The following PPM1L variants were observed in gnomAD, a reference collection of about 807,000 sequenced individuals.
PPM1L encodes the protein protein phosphatase, Mg2+/Mn2+ dependent 1L.
A neutral mutation model predicts 31.4 loss-of-function variants in PPM1L; 13 were observed. The observed-to-expected ratio is 0.41, with a 90% CI of 0.27 to 0.66. The LOEUF is 0.66. Among genes scored for constraint, PPM1L ranks in the 30% least tolerant of loss-of-function variants. The probability of loss-of-function intolerance (pLI) is 0.29; values close to 1 mark genes in which losing one functional copy is unlikely to be tolerated. For synonymous variants in PPM1L, 184 were observed against 175.4 expected (o/e 1.05, Z -0.39); for missense variants, 326 against 453.7 (o/e 0.72, Z 2.56).
chr3:160,812,918 T>A (rs1449229259), intron 1 of PPM1L, among the ~76,000 whole-genome samples: 1 of 152,226 alleles, frequency 6.6e-6, no homozygotes, highest in Non-Finnish European at 1.5e-5. Context: ...AAGTAGGTGA[T>A]GTTTATAATG....
chr3:160,942,389 C>T (rs1336584178), intron 1 of PPM1L, among the ~76,000 whole-genome samples: 1 of 152,018 alleles, frequency 6.6e-6, no homozygotes, highest in Non-Finnish European at 1.5e-5. Flanking sequence ...GCCATCACAC[C>T]CAGCCTTAAT....
At chr3:160,863,255 T>C (rs1711969591) in intron 1 of PPM1L, among the ~76,000 whole-genome samples, 1 of 152,200 alleles carries the variant, frequency 6.6e-6, no homozygotes, top group Non-Finnish European at 1.5e-5. Flanking sequence ...GGAGACCACA[T>C]TCAAAACACT....
At chr3:161,011,970 C>A (rs1230307109) in intron 2 of PPM1L, among the ~76,000 whole-genome samples, 1 of 152,154 alleles carries the variant, frequency 6.6e-6, no homozygotes, top group Non-Finnish European at 1.5e-5. Context: ...CAAACATGGA[C>A]AATTTGACTT....
intron 3 of PPM1L, among the ~76,000 whole-genome samples, chr3:161,066,457 G>C (rs368273497): frequency 5.9e-5 from 9 of 152,330 alleles, no homozygotes; most frequent in African/African-American, 2.2e-4. Flanking sequence ...ACATGAAGCA[G>C]GTAAGGGGAG....
At position 160,877,109 on chromosome 3, in the gene PPM1L, A is replaced by G. The variant is rs74329051; in HGVS notation, c.400-84627A>G. Among the ~76,000 whole-genome samples, 697 of 152,356 alleles carry G rather than the reference A, an allele frequency of 4.6e-3. 6 individuals are homozygous for G. The highest frequency in any genetic ancestry group is 0.015 in the African/African-American group (641 of 41,584). ...AATATTTGCTTTGGTGTTTCATTGC[A>G]GAGACCTAGATTTAATTTGAATACT... On this transcript the variant is annotated intron_variant, in intron 1 of 3. Transcript: ENST00000498165.
chr3:160,757,185 A>G (rs955809338), intron 1 of PPM1L, among the ~76,000 whole-genome samples: 8 of 152,202 alleles, frequency 5.3e-5, no homozygotes, highest in Admixed American at 2.0e-4. Context: ...ATTGAGGGTG[A>G]AGGAAGCTGT....
intron 2 of PPM1L, among the ~76,000 whole-genome samples, chr3:161,044,654 C>A (rs1305904621): frequency 2.6e-5 from 4 of 152,056 alleles, no homozygotes; most frequent in African/African-American, 9.7e-5. Context: ...CCAGTACCAG[C>A]CACTGCAAAA....
At position 161,065,384 on chromosome 3, in the gene PPM1L, T is replaced by C. The variant is rs1719704511; in HGVS notation, c.575-19T>C. 1 of 1,612,150 alleles carries C rather than the reference T, an allele frequency of 6.2e-7. No homozygotes were observed. The highest frequency in any genetic ancestry group is 1.1e-5 in the South Asian group (1 of 90,980). Reference sequence around the variant, plus strand: ...TGCACTGCTGACCTCCCGCGTTCTCTCTCTCTTCTATTTTTCAGGCACAAC... The same window carrying C: ...TGCACTGCTGACCTCCCGCGTTCTCCCTCTCTTCTATTTTTCAGGCACAAC... On this transcript the variant is annotated intron_variant, in intron 2 of 3. Coordinates refer to ENST00000498165, the MANE Select transcript of PPM1L (RefSeq NM_139245.4).
chr3:160,795,083 G>A (rs200505371), intron 1 of PPM1L, among the ~76,000 whole-genome samples: 1 of 152,148 alleles, frequency 6.6e-6, no homozygotes, highest in East Asian at 1.9e-4. Flanking sequence ...AGATTTCCAG[G>A]AAGGAAGAAA....
At position 161,048,928 on chromosome 3, in the gene PPM1L, C is replaced by A. The variant is rs1235830036; in HGVS notation, c.575-16475C>A. On this transcript the variant is annotated intron_variant, in intron 2 of 3. Transcript: ENST00000498165. ...GGGAACATCACACACTGGGGCCTGT[C>A]GTGGGGTGGGGGGAGGGGGGAGGGA... Among the ~76,000 whole-genome samples the A allele has an allele frequency of 4.3e-5, 4 of 93,390 alleles. No homozygotes were observed. The South Asian group carries it at 1.3e-3, about 31-fold the overall frequency. 61.3% of individuals were successfully genotyped at this position (93,390 alleles called of 152,430 possible).
intron 2 of PPM1L, among the ~76,000 whole-genome samples, chr3:161,027,676 C>A (rs1242337100): frequency 1.3e-5 from 2 of 152,180 alleles, no homozygotes; most frequent in East Asian, 3.9e-4. Flanking sequence ...ATTTGGGTGG[C>A]AACACAGCCA....
chr3:161,005,412 A>T (rs946645690), intron 2 of PPM1L, among the ~76,000 whole-genome samples: 2 of 152,256 alleles, frequency 1.3e-5, no homozygotes, highest in Non-Finnish European at 2.9e-5. Context: ...CTCATAAAAA[A>T]GTGATATGTA....
At chr3:160,983,446 TA>T (rs11330462) in intron 2 of PPM1L, among the ~76,000 whole-genome samples, 193 of 150,452 alleles carry the variant, frequency 1.3e-3, no homozygotes, top group African/African-American at 4.5e-3. Context: ...GGTGGTGGGA[TA>T]GGGGGTGGGT....
At chr3:160,955,799 C>A (rs1334775223) in intron 1 of PPM1L, among the ~76,000 whole-genome samples, 1 of 151,734 alleles carries the variant, frequency 6.6e-6, no homozygotes, top group Non-Finnish European at 1.5e-5. Flanking sequence ...TACAGGTGCC[C>A]GCCACCACGT....
At chr3:161,040,825 C>A (rs1232980623) in intron 2 of PPM1L, among the ~76,000 whole-genome samples, 7 of 152,104 alleles carry the variant, frequency 4.6e-5, no homozygotes, top group Non-Finnish European at 8.8e-5. Flanking sequence ...CTGACTCTGG[C>A]ATAACATTAC....
At chr3:160,978,620 A>T (rs1051436024) in intron 2 of PPM1L, among the ~76,000 whole-genome samples, 1 of 152,220 alleles carries the variant, frequency 6.6e-6, no homozygotes, top group Non-Finnish European at 1.5e-5. Context: ...GCTTGAGCCC[A>T]GGAGTTCAAG....
intron 1 of PPM1L, among the ~76,000 whole-genome samples, chr3:160,847,815 C>T (rs140307960): frequency 6.6e-6 from 1 of 152,162 alleles, no homozygotes. Flanking sequence ...TGGGCCTTTT[C>T]CAGATTCTTC....
At chr3:160,916,670 A>G (rs1714194756) in intron 1 of PPM1L, among the ~76,000 whole-genome samples, 1 of 152,102 alleles carries the variant, frequency 6.6e-6, no homozygotes, top group Admixed American at 6.5e-5. Context: ...GATGAGTGCC[A>G]GTTTTATATT....
At chr3:160,830,299 T>G (rs1463387269) in intron 1 of PPM1L, among the ~76,000 whole-genome samples, 1 of 152,134 alleles carries the variant, frequency 6.6e-6, no homozygotes, top group East Asian at 1.9e-4. Context: ...CAAGGAAGGG[T>G]TGACCCTGAG....
Sources: allele counts gnomAD v4.1 joint callset (sites outside exome capture counted in the v4.1 genomes callset), GRCh38; gene constraint gnomAD v4.1.1; transcripts MANE v1.5; gene names NCBI Gene and HGNC (gene_info 2026-07-23, HGNC 2026-07-21).